Variants in LRP5 observed in about 807,000 individuals in gnomAD.
LRP5 encodes the protein low-density lipoprotein receptor-related protein 5.
LRP5 carries 62 observed loss-of-function variants against 154.1 expected under a neutral mutation model. That is an observed-to-expected ratio of 0.40 (90% CI 0.33 to 0.50). LRP5 has a LOEUF of 0.50. Among genes scored for constraint, LRP5 ranks in the 20% least tolerant of loss-of-function variants. The pLI is 0.55. For missense variants in LRP5, 1,915 were observed against 2,336.7 expected (o/e 0.82, Z 3.72); for synonymous variants, 966 against 1,011.5 (o/e 0.96, Z 0.85).
At chr11:68,340,541 G>A (rs1432509326) in intron 1 of LRP5, among the ~76,000 whole-genome samples, 1 of 152,168 alleles carries the variant, frequency 6.6e-6, no homozygotes, top group African/African-American at 2.4e-5. Context: ...ATGTGGAGGT[G>A]CAGTAATTAT....
At chr11:68,369,117 C>T (rs547038230) in intron 5 of LRP5, among the ~76,000 whole-genome samples, 1 of 152,336 alleles carries the variant, frequency 6.6e-6, no homozygotes, top group East Asian at 1.9e-4. Context: ...GGATCACAGG[C>T]ATGAGCCACT....
At chr11:68,367,105 C>T (rs118035104) in intron 5 of LRP5, among the ~76,000 whole-genome samples, 22 of 152,248 alleles carry the variant, frequency 1.4e-4, no homozygotes, top group East Asian at 3.9e-4. Flanking sequence ...TGGGGCCCTT[C>T]GCTGTTGACC....
chr11:68,390,011 G>T lies in LRP5; in HGVS notation c.1543G>T (p.Gly515Trp), dbSNP rs1295431657. ...CGGCCTGGCCCTGGACCTGCAGGAG[G>T]GGAAGCTCTACTGGGGAGACGCCAA... is the stretch of plus-strand genomic sequence containing the variant. Reference protein sequence around the residue: ...PNGLALDLQEGKLYWGDAKTD... With the variant: ...PNGLALDLQEWKLYWGDAKTD... The change falls in exon 7 of 23, where the codon GGG (glycine) becomes TGG (tryptophan). Residue 515 changes from glycine to tryptophan, a missense_variant. Coordinates refer to ENST00000294304, the MANE Select transcript of LRP5 (RefSeq NM_002335.4). The T allele has an allele frequency of 6.2e-7, 1 of 1,614,112 alleles. No individual in the cohort carries two copies. The highest frequency in any genetic ancestry group is 1.3e-5 in the African/African-American group (1 of 74,918).
In LRP5 at chr11:68,414,117, T is replaced by C. The variant is rs551070557; in HGVS notation, c.2827+105T>C. Reference sequence around the variant, plus strand: ...CTCATCTGGGGTTCCTGGGTGTACATAGATGGTTGGGTAGGTTGTGCACTG... The same window carrying C: ...CTCATCTGGGGTTCCTGGGTGTACACAGATGGTTGGGTAGGTTGTGCACTG... On this transcript the variant is annotated intron_variant, in intron 12 of 22. Coordinates refer to ENST00000294304, the MANE Select transcript of LRP5 (RefSeq NM_002335.4). 357 of 1,113,450 alleles carry C rather than the reference T, an allele frequency of 3.2e-4. 2 individuals carry two copies. The South Asian group carries it at 4.6e-3, about 14-fold the overall frequency. The allele number at this position is 1,113,450 out of a possible 1,614,324, so 69.0% of individuals were successfully genotyped here. A position where few individuals can be genotyped will look rare whatever the true frequency, so the allele number is the denominator to read the frequency against.
chr11:68,372,315 C>G (rs2098634500), intron 5 of LRP5, among the ~76,000 whole-genome samples: 1 of 126,030 alleles, frequency 7.9e-6, no homozygotes, highest in Admixed American at 8.8e-5. Context: ...TGAGGAAATG[C>G]AGTGTCAGGC....
intron 5 of LRP5, among the ~76,000 whole-genome samples, chr11:68,376,420 G>A (rs377555534): frequency 4.0e-4 from 61 of 152,196 alleles, no homozygotes; most frequent in East Asian, 1.7e-3. Flanking sequence ...TGACCATCTC[G>A]TGATCCACCC....
At chr11:68,329,596 G>T (rs1169168107) in intron 1 of LRP5, among the ~76,000 whole-genome samples, 1 of 152,192 alleles carries the variant, frequency 6.6e-6, no homozygotes, top group East Asian at 1.9e-4. Flanking sequence ...TTTAATGGAT[G>T]AAGACACTGA....
In LRP5 at chr11:68,366,956, G is replaced by A. The variant is rs548369575; in HGVS notation, c.1015+1254G>A. 2.4e-5 allele frequency among the ~76,000 whole-genome samples: 3 copies of A among 123,358 alleles called. No individual in the cohort carries two copies. The Admixed American group carries it at 3.4e-4, about 14-fold the overall frequency. The allele number at this position is 123,358 out of a possible 152,430, so 80.9% of individuals were successfully genotyped here. ...GAGGCACTGGGGACCCCGCGGTGCAGACAGAATCCCGGGCCTCTGGCGCTC... is the reference window on the plus strand; with the variant it reads ...GAGGCACTGGGGACCCCGCGGTGCAAACAGAATCCCGGGCCTCTGGCGCTC... On this transcript the variant is annotated intron_variant, in intron 5 of 22. Coordinates refer to ENST00000294304, the MANE Select transcript of LRP5 (RefSeq NM_002335.4).
chr11:68,321,154 A>C (rs1229208557), intron 1 of LRP5, among the ~76,000 whole-genome samples: 1 of 142,038 alleles, frequency 7.0e-6, no homozygotes, highest in Non-Finnish European at 1.5e-5. Context: ...GGTCCATCCT[A>C]TCCATTCATT....
intron 3 of LRP5, among the ~76,000 whole-genome samples, chr11:68,358,726 CT>C (rs1185339655): frequency 6.6e-6 from 1 of 152,226 alleles, no homozygotes; most frequent in African/African-American, 2.4e-5. Flanking sequence ...CTTTTAGAGC[CT>C]TCTGGTCAGC....
At chr11:68,330,302 A>G (rs972620940) in intron 1 of LRP5, among the ~76,000 whole-genome samples, 1 of 151,822 alleles carries the variant, frequency 6.6e-6, no homozygotes, top group African/African-American at 2.4e-5. Context: ...CAATTAAAAC[A>G]CAGTTAGTGG....
intron 1 of LRP5, among the ~76,000 whole-genome samples, chr11:68,327,241 G>A (rs1045875076): frequency 6.6e-6 from 1 of 152,316 alleles, no homozygotes. Context: ...GGGCTGCAGC[G>A]AGCCCCTCTT....
At chr11:68,371,073 G>A (rs2098633765) in intron 5 of LRP5, among the ~76,000 whole-genome samples, 1 of 152,166 alleles carries the variant, frequency 6.6e-6, no homozygotes, top group Admixed American at 6.5e-5. Context: ...GCTCGGTGTG[G>A]ATGCTGGCTC....
In LRP5 at chr11:68,425,290, C is replaced by A; in HGVS notation, c.3425C>A (p.Ser1142Ter). 1 of 1,605,566 alleles carries A rather than the reference C, an allele frequency of 6.2e-7. No homozygotes were observed. The highest frequency in any genetic ancestry group is 1.1e-5 in the South Asian group (1 of 90,788). The stretch of plus-strand genomic sequence containing the variant: ...AAGCGCATTGAGAGCTGTGACCTGT[C>A]AGGTACGCGCCCCGGGGCCTGCCCT... ...DLKRIESCDLSGANRLTLEDA... is the reference protein window; with the variant it reads ...DLKRIESCDL Residue 1142 changes from serine to a stop codon, truncating the protein, a stop_gained and splice_region_variant, in exon 15 of 23, where the codon TCA becomes TAA. Coordinates refer to ENST00000294304, the MANE Select transcript of LRP5 (RefSeq NM_002335.4). LOFTEE classifies it high-confidence loss of function.
At position 68,348,021 on chromosome 11, in the gene LRP5, A is replaced by G. The variant is rs41494349; in HGVS notation, c.266A>G (p.Gln89Arg). The change falls in exon 2 of 23, where the codon CAG (glutamine) becomes CGG (arginine). Residue 89 changes from glutamine to arginine, a missense_variant. Transcript: ENST00000294304. ...GACGTGAGCGAGGAGGCCATCAAGC[A>G]GACCTACCTGAACCAGACGGGGGCC... Reference protein sequence around the residue: ...WTDVSEEAIKQTYLNQTGAAV... With the variant: ...WTDVSEEAIKRTYLNQTGAAV... The G allele has an allele frequency of 9.5e-3, 15,355 of 1,614,176 alleles. 295 individuals are homozygous for G. The highest frequency in any genetic ancestry group is 0.077 in the East Asian group (3,470 of 44,874).
rs1038904492 is a variant in LRP5 at position 68,353,805 on chromosome 11, G to A, written c.489-3845G>A. The stretch of plus-strand genomic sequence containing the variant: ...GAGCGTCCACCTCAGTGTGCACGTG[G>A]CCAAAAGGATCAAGAGCCCTGCAGC... On this transcript the variant is annotated intron_variant, in intron 2 of 22. Coordinates refer to ENST00000294304, the MANE Select transcript of LRP5 (RefSeq NM_002335.4). The surrounding 1 kb of genome is among the most constrained non-coding windows in gnomAD (Gnocchi z 4.5). Among the ~76,000 whole-genome samples the A allele has an allele frequency of 3.9e-5, 6 of 152,196 alleles. No homozygotes were observed. Among genetic ancestry groups the A allele is most frequent in the African/African-American group, 7.2e-5 (3 of 41,444 alleles).
chr11:68,435,248 G>T (rs1565113364), intron 18 of LRP5, among the ~76,000 whole-genome samples: 1 of 152,232 alleles, frequency 6.6e-6, no homozygotes, highest in African/African-American at 2.4e-5. Context: ...ATTTCAGCTT[G>T]CAGGAGCCGT....
chr11:68,376,154 C>T (rs1291463172), intron 5 of LRP5, among the ~76,000 whole-genome samples: 17 of 148,996 alleles, frequency 1.1e-4, no homozygotes, highest in Non-Finnish European at 2.2e-4. Flanking sequence ...AGGGGTCGTC[C>T]GTGGCTGGCC....
Position 68,446,273 on chromosome 11 carries a change from T to G in LRP5, c.4489-163T>G, listed in dbSNP as rs151071785. Among the ~76,000 whole-genome samples, 1,705 of 152,192 alleles carry G rather than the reference T, an allele frequency of 0.011. 12 individuals are homozygous for G. The highest frequency in any genetic ancestry group is 0.016 in the African/African-American group (652 of 41,510). The stretch of plus-strand genomic sequence containing the variant: ...ACCTTCGGGGCAGGTGGCTGCTGCC[T>G]CCCCTCCTGTCCCCAGGTTTTGCCA... On this transcript the variant is annotated intron_variant, in intron 21 of 22. Coordinates refer to ENST00000294304, the MANE Select transcript of LRP5 (RefSeq NM_002335.4).
Sources: allele counts gnomAD v4.1 joint callset (sites outside exome capture counted in the v4.1 genomes callset), GRCh38; gene constraint gnomAD v4.1.1; non-coding constraint Gnocchi (gnomAD v3.1); transcripts MANE v1.5; gene names NCBI Gene and HGNC (gene_info 2026-07-23, HGNC 2026-07-21).